Variants in PTPRK observed in about 807,000 individuals in gnomAD.
PTPRK encodes the protein protein tyrosine phosphatase receptor type K.
In PTPRK, 75 loss-of-function variants were observed where a neutral mutation model predicts 178.0. The observed-to-expected ratio is 0.42, with a 90% CI of 0.35 to 0.51. The LOEUF (loss-of-function observed/expected upper bound fraction) is 0.51. PTPRK is among the 20% of genes least tolerant of loss of function. The pLI is 0.02. For synonymous variants in PTPRK, 637 were observed against 620.6 expected (o/e 1.03, Z -0.39); for missense variants, 1,441 against 1,797.8 (o/e 0.80, Z 3.59).
chr6:128,452,401 G>C (rs1200855312), intron 1 of PTPRK, among the ~76,000 whole-genome samples: 1 of 152,070 alleles, frequency 6.6e-6, no homozygotes, highest in Non-Finnish European at 1.5e-5. Context: ...TGGGCTTTTA[G>C]GGATGCATTA....
rs536227026 is a variant in PTPRK, at chr6:128,134,136, T to A, written c.1163-44144A>T. 3.3e-5 allele frequency among the ~76,000 whole-genome samples: 5 copies of A among 152,316 alleles called. No homozygotes were observed. The South Asian group carries it at 1.0e-3, about 32-fold the overall frequency. ...ACTATATTTGTGAGGAAGGATATAT[T>A]TCCATTTCCATAGTCAAATGCAACT... On this transcript the variant is annotated intron_variant, in intron 7 of 29. Transcript: ENST00000368226.
At chr6:128,199,590 AGG>A (rs1805537898) in intron 6 of PTPRK, among the ~76,000 whole-genome samples, 1 of 58,268 alleles carries the variant, frequency 1.7e-5, no homozygotes, top group Non-Finnish European at 3.3e-5. Context: ...GGAGGGAGGG[AGG>A]GAGGGAGGGA....
At chr6:128,094,532 G>GA (rs780127235) in intron 7 of PTPRK, among the ~76,000 whole-genome samples, 5 of 152,220 alleles carry the variant, frequency 3.3e-5, no homozygotes, top group Non-Finnish European at 7.4e-5. Context: ...AATGAACAGA[G>GA]AAAGTTCAAG....
At chr6:128,256,562 C>T (rs1049724077) in intron 3 of PTPRK, among the ~76,000 whole-genome samples, 7 of 151,812 alleles carry the variant, frequency 4.6e-5, no homozygotes, top group East Asian at 1.9e-4. Context: ...CTCAGCCTCC[C>T]GAGTAACTGG....
At chr6:128,318,652 T>C (rs1198076477) in intron 3 of PTPRK, among the ~76,000 whole-genome samples, 2 of 152,188 alleles carry the variant, frequency 1.3e-5, no homozygotes, top group Non-Finnish European at 2.9e-5. Flanking sequence ...GCAAGTTACA[T>C]ACGTCTGCCT....
At chr6:128,382,554 C>A (rs1055460226) in intron 2 of PTPRK, among the ~76,000 whole-genome samples, 1 of 151,248 alleles carries the variant, frequency 6.6e-6, no homozygotes, top group Non-Finnish European at 1.5e-5. Context: ...ATTACAGGCA[C>A]GCACCACCAT....
chr6:128,379,250 G>A (rs1328431035), intron 2 of PTPRK, among the ~76,000 whole-genome samples: 1 of 151,970 alleles, frequency 6.6e-6, no homozygotes, highest in Non-Finnish European at 1.5e-5. Flanking sequence ...CTAGAGTCAT[G>A]GGATAAAATA....
At chr6:128,053,082 G>C (rs1779298813) in intron 13 of PTPRK, among the ~76,000 whole-genome samples, 3 of 151,248 alleles carry the variant, frequency 2.0e-5, no homozygotes, top group Admixed American at 1.3e-4. Context: ...CCAACATCTG[G>C]ATATTAGGCA....
At chr6:128,125,744 T>C (rs1583123087) in intron 7 of PTPRK, among the ~76,000 whole-genome samples, 2 of 150,984 alleles carry the variant, frequency 1.3e-5, no homozygotes, top group African/African-American at 2.4e-5. Flanking sequence ...TGAGTAGCTG[T>C]GATTACAGGG....
intron 5 of PTPRK, among the ~76,000 whole-genome samples, chr6:128,232,680 ATCT>A (rs966828780): frequency 4.6e-5 from 7 of 152,186 alleles, no homozygotes; most frequent in South Asian, 2.1e-4. Flanking sequence ...CACTTACCTA[ATCT>A]TCTACAAATC....
At position 127,973,805 on chromosome 6, in the gene PTPRK, A is replaced by G. The variant is rs750219826; in HGVS notation, c.3992T>C (p.Val1331Ala). ...LTRPQEGYLMVQQFQYLGWAS... is the reference protein window; with the variant it reads ...LTRPQEGYLMAQQFQYLGWAS... ...CCATCCTAGGTACTGAAACTGTTGC[A>G]CCATCAGATAACCTTCCTGTGGCTG... Residue 1331 changes from valine (V) to alanine (A), a missense_variant, in exon 28 of 30, where the codon GTG becomes GCG. Around this residue, in one of 4 missense-constraint regions of PTPRK, gnomAD observed 335 missense variants for 512.4 expected, o/e 0.65. Transcript: ENST00000368226. 1 of 1,613,682 alleles carries G rather than the reference A, an allele frequency of 6.2e-7. No individual in the cohort carries two copies. The highest frequency in any genetic ancestry group is 2.2e-5 in the East Asian group (1 of 44,870).
chr6:128,273,990 A>G (rs1280157070), intron 3 of PTPRK, among the ~76,000 whole-genome samples: 1 of 152,158 alleles, frequency 6.6e-6, no homozygotes, highest in Non-Finnish European at 1.5e-5. Flanking sequence ...AACATATTTC[A>G]TTGAATTTAT....
chr6:128,091,881 C>T (rs1390066263), intron 7 of PTPRK, among the ~76,000 whole-genome samples: 1 of 152,114 alleles, frequency 6.6e-6, no homozygotes, highest in Non-Finnish European at 1.5e-5. Context: ...TGAAAGCATA[C>T]CTAGACATCT....
chr6:128,344,615 A>G (rs1832153688), intron 2 of PTPRK, among the ~76,000 whole-genome samples: 1 of 152,052 alleles, frequency 6.6e-6, no homozygotes, highest in Non-Finnish European at 1.5e-5. Context: ...TCCCAGGTTC[A>G]GGTGATCCTC....
intron 6 of PTPRK, among the ~76,000 whole-genome samples, chr6:128,190,500 T>C (rs1264628506): frequency 7.5e-6 from 1 of 133,832 alleles, no homozygotes; most frequent in Admixed American, 7.4e-5. Flanking sequence ...CTTTTTTTTT[T>C]TTTTTTTTTT....
chr6:128,008,167 T>C (rs1419271853), intron 14 of PTPRK: 1 of 776,848 alleles, frequency 1.3e-6, no homozygotes, highest in African/African-American at 1.9e-5. Context: ...ATGAGTCTTA[T>C]CTATAATGTT....
At chr6:128,451,958 AG>A (rs1847849377) in intron 1 of PTPRK, among the ~76,000 whole-genome samples, 1 of 152,226 alleles carries the variant, frequency 6.6e-6, no homozygotes, top group African/African-American at 2.4e-5. Flanking sequence ...ATACACATAA[AG>A]AAAACCTACC....
At chr6:128,135,078 T>TCACACACACACACACACACA (rs34254716) in intron 7 of PTPRK, among the ~76,000 whole-genome samples, 51 of 136,378 alleles carry the variant, frequency 3.7e-4, no homozygotes, top group East Asian at 1.7e-3. Flanking sequence ...AATCATTCAA[T>TCACACACACACACACACACA]CACACACACA....
intron 2 of PTPRK, among the ~76,000 whole-genome samples, chr6:128,351,243 G>GA (rs1833085497): frequency 6.6e-6 from 1 of 152,122 alleles, no homozygotes; most frequent in Non-Finnish European, 1.5e-5. Flanking sequence ...ATAAACACGG[G>GA]AAAAAGACAT....
Sources: gnomAD v4.1 joint callset for allele counts (sites outside exome capture counted in the v4.1 genomes callset) on GRCh38, gnomAD v4.1.1 for gene constraint, gnomAD v4.1.1 regional missense constraint, MANE v1.5 for transcripts, NCBI Gene and HGNC (gene_info 2026-07-23, HGNC 2026-07-21) for gene names.